The following ZNF280D variants were observed in gnomAD, a reference collection of about 807,000 sequenced individuals.
The protein encoded by ZNF280D is suppressor of hairy wing homolog 4.
A neutral mutation model predicts 94.7 loss-of-function variants in ZNF280D; 39 were observed. The ratio of observed to expected loss-of-function variants is 0.41; its 90% CI spans 0.32 to 0.54. The LOEUF is 0.54. Ranked by LOEUF, ZNF280D falls within the 20% of genes least tolerant of loss-of-function variation. The probability of loss-of-function intolerance (pLI) is 0.22; values close to 1 mark genes in which losing one functional copy is unlikely to be tolerated. For missense variants in ZNF280D, 1,090 were observed against 1,149.3 expected (o/e 0.95, Z 0.75); for synonymous variants, 398 against 377.6 (o/e 1.05, Z -0.63).
At chr15:56,728,034 ATT>A (rs66766415) in intron 1 of ZNF280D, among the ~76,000 whole-genome samples, 19 of 146,642 alleles carry the variant, frequency 1.3e-4, no homozygotes, top group Middle Eastern at 3.4e-3. Context: ...TACTTAATAC[ATT>A]TTTTTTTTTT....
intron 13 of ZNF280D, among the ~76,000 whole-genome samples, chr15:56,669,885 ATATT>A (rs1375343657): frequency 4.3e-4 from 3 of 6,938 alleles, no homozygotes; most frequent in Non-Finnish European, 9.8e-4. Context: ...ATATATATAT[ATATT>A]ATATATATAT....
chr15:56,709,856 C>T (rs997460495), intron 1 of ZNF280D, among the ~76,000 whole-genome samples: 1 of 151,778 alleles, frequency 6.6e-6, no homozygotes, highest in Non-Finnish European at 1.5e-5. Flanking sequence ...CGGGGCCTGT[C>T]GTTGGGTGGG....
intron 20 of ZNF280D, among the ~76,000 whole-genome samples, chr15:56,641,613 A>G (rs1168844685): frequency 6.6e-6 from 1 of 151,846 alleles, no homozygotes; most frequent in Non-Finnish European, 1.5e-5. Context: ...CAATACTAAA[A>G]AAGTTGATCA....
intron 19 of ZNF280D, among the ~76,000 whole-genome samples, chr15:56,643,791 A>G (rs1364610913): frequency 6.6e-6 from 1 of 151,926 alleles, no homozygotes; most frequent in Non-Finnish European, 1.5e-5. Context: ...AATGTCATTA[A>G]TCAAGAGTTA....
intron 16 of ZNF280D, among the ~76,000 whole-genome samples, chr15:56,664,248 T>C (rs1316754830): frequency 6.6e-6 from 1 of 152,048 alleles, no homozygotes; most frequent in Non-Finnish European, 1.5e-5. Flanking sequence ...GGTAAAGAAA[T>C]GAATCACAAT....
intron 6 of ZNF280D, among the ~76,000 whole-genome samples, chr15:56,694,684 A>G (rs184828659): frequency 1.3e-5 from 2 of 152,344 alleles, no homozygotes; most frequent in Admixed American, 1.3e-4. Context: ...ACTACTCTTA[A>G]AAGTGTCAAG....
intron 20 of ZNF280D, among the ~76,000 whole-genome samples, chr15:56,641,851 A>T (rs1413435587): frequency 6.6e-6 from 1 of 151,808 alleles, no homozygotes; most frequent in East Asian, 1.9e-4. Flanking sequence ...GGTAAAAATA[A>T]AGGTAAATAT....
At chr15:56,694,527 C>G (rs1255216353) in intron 6 of ZNF280D, among the ~76,000 whole-genome samples, 1 of 152,084 alleles carries the variant, frequency 6.6e-6, no homozygotes, top group Non-Finnish European at 1.5e-5. Context: ...TGAGAGAATT[C>G]AGAAGTCAAA....
At chr15:56,634,321 C>G in intron 21 of ZNF280D, among the ~76,000 whole-genome samples, 1 of 151,880 alleles carries the variant, frequency 6.6e-6, no homozygotes, top group Non-Finnish European at 1.5e-5. Context: ...TTGTATAATT[C>G]TTAGTTTTGT....
At chr15:56,650,611 C>T (rs1449706791) in intron 19 of ZNF280D, among the ~76,000 whole-genome samples, 1 of 152,032 alleles carries the variant, frequency 6.6e-6, no homozygotes, top group Non-Finnish European at 1.5e-5. Flanking sequence ...AATAGGCAAC[C>T]AGTTAAGTAG....
intron 1 of ZNF280D, among the ~76,000 whole-genome samples, chr15:56,731,426 C>T (rs762877777): frequency 1.4e-5 from 2 of 146,486 alleles, no homozygotes; most frequent in Non-Finnish European, 3.0e-5. Flanking sequence ...TGGCTTGAGC[C>T]CAGGAAGGAG....
rs372282537 is a variant in ZNF280D at position 56,695,702 on chromosome 15, G to T, written c.382-2487C>A. Among the ~76,000 whole-genome samples the T allele has an allele frequency of 1.6e-4, 24 of 151,688 alleles. 1 individual carries two copies. The South Asian group carries it at 3.8e-3, about 24-fold the overall frequency. On this transcript the variant is annotated intron_variant, in intron 6 of 21. Coordinates refer to ENST00000267807, the MANE Select transcript of ZNF280D (RefSeq NM_017661.4). ...ACACCACCATGCCCAGCTAATTTTC[G>T]TATTTTTAATAGAGACAGGGTTTTA...
At chr15:56,654,926 T>C in intron 17 of ZNF280D, 1 of 381,758 alleles carries the variant, frequency 2.6e-6, no homozygotes, top group South Asian at 2.0e-5. Context: ...GTATTGTGAA[T>C]ATAATGGTGA....
chr15:56,670,716 G>C (rs1330944266), intron 13 of ZNF280D, among the ~76,000 whole-genome samples: 2 of 152,018 alleles, frequency 1.3e-5, no homozygotes, highest in Non-Finnish European at 2.9e-5. Flanking sequence ...CAATGGGATT[G>C]CTGGGTGGAA....
intron 16 of ZNF280D, among the ~76,000 whole-genome samples, chr15:56,665,723 G>GAAAAAA: frequency 4.2e-5 from 3 of 70,890 alleles, no homozygotes; most frequent in Admixed American, 4.1e-4. Context: ...AAAAAAAAAG[G>GAAAAAA]AGGATGACGC....
intron 16 of ZNF280D, among the ~76,000 whole-genome samples, chr15:56,660,466 C>T (rs1217626975): frequency 6.6e-6 from 1 of 151,846 alleles, no homozygotes; most frequent in Non-Finnish European, 1.5e-5. Flanking sequence ...GGATTTCTAC[C>T]ACCTGCTTGA....
chr15:56,712,365 G>A (rs2057804294), intron 1 of ZNF280D, among the ~76,000 whole-genome samples: 1 of 151,860 alleles, frequency 6.6e-6, no homozygotes, highest in South Asian at 2.1e-4. Context: ...TTCAGGCTGG[G>A]CATAGTGGCT....
intron 9 of ZNF280D, among the ~76,000 whole-genome samples, chr15:56,688,195 A>T (rs985474949): frequency 6.6e-6 from 1 of 152,004 alleles, no homozygotes; most frequent in Admixed American, 6.6e-5. Context: ...TTAAAACCTA[A>T]ATTCAGGGGC....
chr15:56,701,370 T>A (rs573724671), intron 4 of ZNF280D, 132 bp from the exon 5 acceptor site: 1 of 602,910 alleles, frequency 1.7e-6, no homozygotes, highest in East Asian at 3.0e-5. Context: ...GATTTAAGAA[T>A]ATAGTTCATT....
Sources: gnomAD v4.1 joint callset for allele counts (sites outside exome capture counted in the v4.1 genomes callset) on GRCh38, gnomAD v4.1.1 for gene constraint, MANE v1.5 for transcripts, NCBI Gene and HGNC (gene_info 2026-07-23, HGNC 2026-07-21) for gene names.